Variants in OPN1SW observed in about 807,000 individuals in gnomAD.
The protein encoded by OPN1SW is short-wave-sensitive opsin 1.
A neutral mutation model predicts 31.9 loss-of-function variants in OPN1SW; 25 were observed. The ratio of observed to expected loss-of-function variants is 0.78; its 90% CI spans 0.57 to 1.09. The LOEUF is 1.09. Ranked by LOEUF, OPN1SW falls within the 50% of genes least tolerant of loss-of-function variation. The pLI, the probability that OPN1SW is intolerant of heterozygous loss-of-function variation, is 0.00. For synonymous variants in OPN1SW, 190 were observed against 171.9 expected, an observed-to-expected ratio of 1.11 and a Z score of -0.82; for missense variants, 424 against 448.0, an observed-to-expected ratio of 0.95 and a Z score of 0.48.
chr7:128,774,789 C>G (rs1585028746), intron 2 of OPN1SW, 126 bp from the exon 3 acceptor site: 1 of 1,421,020 alleles, frequency 7.0e-7, no homozygotes, highest in African/African-American at 1.4e-5. Flanking sequence ...GGGGGGTTTT[C>G]TGTCCTGACT....
chr7:128,773,792 A>C lies in OPN1SW; in HGVS notation c.775T>G (p.Tyr259Asp). 6.2e-7 allele frequency: 1 copy of C among 1,614,206 alleles called. No individual in the cohort carries two copies. Among genetic ancestry groups the C allele is most frequent in the Non-Finnish European group, 8.5e-7 (1 of 1,180,044 alleles). ...VVMVGSFCVCYVPYAAFAMYM... is the reference protein window; with the variant it reads ...VVMVGSFCVCDVPYAAFAMYM... ...ATGGCGAAGGCCGCGTAGGGCACGT[A>C]GCAGACACAGAAGGATCCTACCATC... The change falls in exon 4 of 5, where the codon TAC becomes GAC. Residue 259 changes from tyrosine (Y) to aspartate (D), a missense_variant. Coordinates refer to ENST00000249389, the MANE Select transcript of OPN1SW (RefSeq NM_001385125.1).
At chr7:128,774,795 T>C in intron 2 of OPN1SW, 132 bp from the exon 3 acceptor site, 1 of 1,407,456 alleles carries the variant, frequency 7.1e-7, no homozygotes, top group Non-Finnish European at 9.8e-7. Flanking sequence ...TTTTCTGTCC[T>C]GACTGGGAGA....
At position 128,774,567 on chromosome 7, in the gene OPN1SW, G is replaced by T; in HGVS notation, c.609C>A (p.Ile203=). The T allele has an allele frequency of 3.7e-6, 6 of 1,614,156 alleles. No homozygotes were observed. Among genetic ancestry groups the T allele is most frequent in the Non-Finnish European group, 5.1e-6 (6 of 1,180,036 alleles). Reference sequence around the variant, plus strand: ...GGGAGAGAGGCACAATGAAGCAGAAGATGAAGAGGAACCACGTATAGGACT... The same window carrying T: ...GGGAGAGAGGCACAATGAAGCAGAATATGAAGAGGAACCACGTATAGGACT... ...RSESYTWFLF[I]FCFIVPLSLI... Residue 203 remains isoleucine (I), a synonymous_variant, in exon 3 of 5, where the codon ATC becomes ATA. Coordinates refer to ENST00000249389, the MANE Select transcript of OPN1SW (RefSeq NM_001385125.1).
intron 4 of OPN1SW, among the ~76,000 whole-genome samples, chr7:128,772,877 C>T (rs1292683810): frequency 1.3e-5 from 2 of 152,156 alleles, no homozygotes; most frequent in African/African-American, 4.8e-5. Flanking sequence ...AAGTCTGAGA[C>T]CTCACTGTTG....
intron 3 of OPN1SW, 117 bp from the exon 4 acceptor site, chr7:128,774,005 G>T: frequency 7.4e-7 from 1 of 1,344,626 alleles, no homozygotes; most frequent in Non-Finnish European, 9.8e-7. Flanking sequence ...GTCTCGCTCT[G>T]TTGCCCAGGC....
intron 3 of OPN1SW, 97 bp from the exon 4 acceptor site, chr7:128,773,985 T>TTTTTTTTTTTTC (rs1801698748): frequency 7.0e-7 from 1 of 1,434,272 alleles, no homozygotes. Flanking sequence ...AATTTTCTTT[T>TTTTTTTTTTTTC]TGAGACCGAG....
chr7:128,775,529 C>T lies in OPN1SW; in HGVS notation c.253G>A (p.Val85Ile). 6.2e-7 allele frequency: 1 copy of T among 1,614,046 alleles called. No homozygotes were observed. The change falls in exon 1 of 5, where the codon GTC becomes ATC. Residue 85 changes from valine (V) to isoleucine (I), a missense_variant. Val to Ile is a conservative substitution (Grantham distance 29). Transcript: ENST00000249389. ...FGGFLLCIFS[V>I]FPVFVASCNG... The stretch of plus-strand genomic sequence containing the variant: ...CAGCTGGCGACGAAGACAGGGAAGA[C>T]AGAGAAGATGCAGAGGAGGAAGCCT...
At position 128,773,750 on chromosome 7, in the gene OPN1SW, G is replaced by A. The variant is rs374829961; in HGVS notation, c.817C>T (p.Arg273Cys). 4.3e-6 allele frequency: 7 copies of A among 1,614,202 alleles called. No homozygotes were observed. The highest frequency in any genetic ancestry group is 2.2e-5 in the East Asian group (1 of 44,882). ...AAFAMYMVNN[R>C]NHGLDLRLVT... The stretch of plus-strand genomic sequence containing the variant: ...AGCCGTAAGTCCAGCCCATGGTTAC[G>A]GTTGTTGACCATGTACATGGCGAAG... The change falls in exon 4 of 5, where the codon CGT becomes TGT. Residue 273 changes from arginine to cysteine, a missense_variant. Coordinates refer to ENST00000249389, the MANE Select transcript of OPN1SW (RefSeq NM_001385125.1).
Position 128,773,810 on chromosome 7 carries a change from C to G in OPN1SW, c.757G>C (p.Gly253Arg), listed in dbSNP as rs1179023706. 6.2e-7 allele frequency: 1 copy of G among 1,614,084 alleles called. No homozygotes were observed. The highest frequency in any genetic ancestry group is 1.1e-5 in the South Asian group (1 of 91,066). Residue 253 changes from glycine to arginine, a missense_variant, in exon 4 of 5, where the codon GGA (glycine) becomes CGA (arginine). By Grantham distance (125) the Gly-to-Arg change is moderately radical. Coordinates refer to ENST00000249389, the MANE Select transcript of OPN1SW (RefSeq NM_001385125.1). ...EVSRMVVVMV[G>R]SFCVCYVPYA... ...GGCACGTAGCAGACACAGAAGGATC[C>G]TACCATCACAACCACCATGCGGCTC...
Position 128,774,986 on chromosome 7 carries a change from C to T in OPN1SW, c.512G>A (p.Arg171Gln), listed in dbSNP as rs141288412. 2.7e-5 allele frequency: 43 copies of T among 1,613,902 alleles called. No homozygotes were observed. Among genetic ancestry groups the T allele is most frequent in the Admixed American group, 5.0e-5 (3 of 60,006 alleles). ...CAGCACCACTGCCCTGCACTCTCAC[C>T]GGCTCCAGCCAAAGAAGGGTGGGAT... is the stretch of plus-strand genomic sequence containing the variant. Reference protein sequence around the residue: ...VSIPPFFGWSRFIPEGLQCSC... With the variant: ...VSIPPFFGWSQFIPEGLQCSC... Residue 171 changes from arginine (R) to glutamine (Q), a missense_variant and splice_region_variant, in exon 2 of 5, where the codon CGG (arginine) becomes CAG (glutamine). By Grantham distance (43) the Arg-to-Gln change is conservative. Coordinates refer to ENST00000249389, the MANE Select transcript of OPN1SW (RefSeq NM_001385125.1).
rs780808284 is a variant in OPN1SW at position 128,775,475 on chromosome 7, C to T, written c.307G>A (p.Val103Ile). Reference protein sequence around the residue: ...CNGYFVFGRHVCALEGFLGTV... With the variant: ...CNGYFVFGRHICALEGFLGTV... Reference sequence around the variant, plus strand: ...CCCAGGAAGCCCTCCAAAGCACAAACATGGCGACCGAAGACGAAGTATCCG... The same window carrying T: ...CCCAGGAAGCCCTCCAAAGCACAAATATGGCGACCGAAGACGAAGTATCCG... The change falls in exon 1 of 5, where the codon GTT (valine) becomes ATT (isoleucine). Residue 103 changes from valine (V) to isoleucine (I), a missense_variant. Val to Ile is a conservative substitution (Grantham distance 29, BLOSUM62 3). Coordinates refer to ENST00000249389, the MANE Select transcript of OPN1SW (RefSeq NM_001385125.1). 1 of 1,613,906 alleles carries T rather than the reference C, an allele frequency of 6.2e-7. No individual in the cohort carries two copies. The highest frequency in any genetic ancestry group is 2.2e-5 in the East Asian group (1 of 44,878).
chr7:128,774,700 A>C (rs1363538787), intron 2 of OPN1SW, 37 bp from the exon 3 acceptor site: 3 of 1,611,356 alleles, frequency 1.9e-6, no homozygotes, highest in Non-Finnish European at 2.5e-6. Context: ...TGGACTCTCC[A>C]CAAGAGTGCA....
chr7:128,774,462 G>C, intron 3 of OPN1SW, 36 bp downstream of exon 3: 1 of 1,611,728 alleles, frequency 6.2e-7, no homozygotes. Context: ...GTGGAGCCCC[G>C]AACCCCTTCT....
chr7:128,774,732 T>C, intron 2 of OPN1SW, 69 bp from the exon 3 acceptor site: 1 of 1,600,984 alleles, frequency 6.2e-7, no homozygotes, highest in African/African-American at 1.3e-5. Context: ...GATGCCTGGA[T>C]TGTGTTCTCC....
chr7:128,774,393 C>A, intron 3 of OPN1SW, 105 bp downstream of exon 3: 1 of 1,452,152 alleles, frequency 6.9e-7, no homozygotes, highest in South Asian at 1.1e-5. Flanking sequence ...TTTTAGATAC[C>A]CTCTCTGGCT....
Position 128,775,493 on chromosome 7 carries a change from A to G in OPN1SW, c.289T>C (p.Phe97Leu), listed in dbSNP as rs765766614. 1.9e-6 allele frequency: 3 copies of G among 1,613,838 alleles called. No homozygotes were observed. Among genetic ancestry groups the G allele is most frequent in the African/African-American group, 1.3e-5 (1 of 74,898 alleles). ...GCACAAACATGGCGACCGAAGACGA[A>G]GTATCCGTTACAGCTGGCGACGAAG... is the stretch of plus-strand genomic sequence containing the variant. ...PVFVASCNGY[F>L]VFGRHVCALE... is the part of the protein sequence containing the mutation. Residue 97 changes from phenylalanine (F) to leucine (L), a missense_variant, in exon 1 of 5, where the codon TTC (phenylalanine) becomes CTC (leucine). Transcript: ENST00000249389.
At chr7:128,772,801 A>G in intron 4 of OPN1SW, 142 bp from the exon 5 acceptor site, 2 of 1,116,174 alleles carry the variant, frequency 1.8e-6, no homozygotes, top group African/African-American at 1.5e-5. Context: ...TATCTTCCCC[A>G]TCCTGAAAAC....
chr7:128,775,206 C>G, intron 1 of OPN1SW, 52 bp from the exon 2 acceptor site: 1 of 1,590,758 alleles, frequency 6.3e-7, no homozygotes, highest in South Asian at 1.1e-5. Context: ...CCCAGCCTGG[C>G]TGGCAGAGTG....
At chr7:128,774,370 C>A in intron 3 of OPN1SW, 128 bp downstream of exon 3, 2 of 1,285,294 alleles carry the variant, frequency 1.6e-6, no homozygotes, top group African/African-American at 1.5e-5. Context: ...CCTCCTCCTA[C>A]TTCCTTTGCT....
Sources: gnomAD v4.1 joint callset for allele counts (sites outside exome capture counted in the v4.1 genomes callset) on GRCh38, gnomAD v4.1.1 for gene constraint, MANE v1.5 for transcripts, NCBI Gene and HGNC (gene_info 2026-07-23, HGNC 2026-07-21) for gene names.